The following TTC28 variants were observed in gnomAD, a reference collection of about 807,000 sequenced individuals.
The protein encoded by TTC28 is tetratricopeptide repeat protein 28.
In TTC28, 61 loss-of-function variants were observed where a neutral mutation model predicts 198.0. The ratio of observed to expected loss-of-function variants is 0.31; its 90% confidence interval spans 0.25 to 0.38. The LOEUF is 0.38. TTC28 is among the 10% of genes least tolerant of loss of function. The pLI, the probability that TTC28 is intolerant of heterozygous loss-of-function variation, is 1.00. For synonymous variants in TTC28, 1,171 were observed against 1,297.8 expected (o/e 0.90, Z 2.10); for missense variants, 2,678 against 3,164.0 (o/e 0.85, Z 3.69).
chr22:28,109,366 C>T lies in TTC28; in HGVS notation c.1442-963G>A, dbSNP rs369872042. Among the ~76,000 whole-genome samples, 43 of 152,302 alleles carry T rather than the reference C, an allele frequency of 2.8e-4. No individual in the cohort carries two copies. The South Asian group carries it at 7.9e-3, about 28-fold the overall frequency. Reference sequence around the variant, plus strand: ...ATCAGGAAAAAATGCTGCATGCTCCCGTGACAATAACTAGGAAAGTAAGTA... The same window carrying T: ...ATCAGGAAAAAATGCTGCATGCTCCTGTGACAATAACTAGGAAAGTAAGTA... On this transcript the variant is annotated intron_variant, in intron 6 of 22. Coordinates refer to ENST00000397906, the MANE Select transcript of TTC28 (RefSeq NM_001145418.2).
intron 17 of TTC28, chr22:27,994,665 G>A (rs1427359356): frequency 6.6e-6 from 1 of 152,206 alleles, no homozygotes; most frequent in Non-Finnish European, 1.5e-5. Context: ...TAGGGGCTGG[G>A]GAACTTGACC....
At chr22:28,218,621 A>G (rs903421949) in intron 5 of TTC28, among the ~76,000 whole-genome samples, 1 of 152,192 alleles carries the variant, frequency 6.6e-6, no homozygotes, top group African/African-American at 2.4e-5. Context: ...ACTCAAGTGC[A>G]CAAGCGCCTT....
chr22:28,385,529 C>T (rs2046566331), intron 2 of TTC28, among the ~76,000 whole-genome samples: 1 of 151,852 alleles, frequency 6.6e-6, no homozygotes, highest in South Asian at 2.1e-4. Flanking sequence ...ACTCTCTCCA[C>T]ACTTATAATA....
intron 2 of TTC28, among the ~76,000 whole-genome samples, chr22:28,406,806 T>A (rs1484284132): frequency 3.3e-5 from 5 of 152,234 alleles, no homozygotes; most frequent in Non-Finnish European, 7.3e-5. Context: ...AGGACTCATA[T>A]GGAGTTCCTC....
chr22:28,310,654 TATATGTA>T (rs1304714593), intron 2 of TTC28, among the ~76,000 whole-genome samples: 2 of 152,188 alleles, frequency 1.3e-5, no homozygotes, highest in Non-Finnish European at 2.9e-5. Context: ...ATGTAATAAA[TATATGTA>T]ATATGTAATG....
intron 1 of TTC28, among the ~76,000 whole-genome samples, chr22:28,653,267 GC>G (rs2051592054): frequency 6.6e-6 from 1 of 152,182 alleles, no homozygotes; most frequent in Non-Finnish European, 1.5e-5. Flanking sequence ...ACTTTGGGAG[GC>G]CAAGGCAGGT....
At chr22:28,428,437 C>T (rs2047381997) in intron 2 of TTC28, among the ~76,000 whole-genome samples, 1 of 151,996 alleles carries the variant, frequency 6.6e-6, no homozygotes, top group Admixed American at 6.6e-5. Context: ...CTCCTTTCTC[C>T]TGCTTTTCAA....
At chr22:28,034,927 A>G (rs1297643319) in intron 12 of TTC28, among the ~76,000 whole-genome samples, 1 of 152,202 alleles carries the variant, frequency 6.6e-6, no homozygotes, top group Non-Finnish European at 1.5e-5. Flanking sequence ...TGCTGTTCAT[A>G]TGCAGCTTTC....
chr22:28,520,428 A>C (rs2146424758), intron 2 of TTC28, among the ~76,000 whole-genome samples: 1 of 152,304 alleles, frequency 6.6e-6, no homozygotes, highest in South Asian at 2.1e-4. Flanking sequence ...CCTCTGACCA[A>C]CACTCAACTC....
chr22:28,407,973 T>C (rs1382034444), intron 2 of TTC28, among the ~76,000 whole-genome samples: 2 of 152,200 alleles, frequency 1.3e-5, no homozygotes, highest in African/African-American at 4.8e-5. Flanking sequence ...CTGGAAAAAA[T>C]TGTTTATAAC....
At chr22:28,645,204 A>T (rs1444965195) in intron 1 of TTC28, among the ~76,000 whole-genome samples, 1 of 152,222 alleles carries the variant, frequency 6.6e-6, no homozygotes, top group African/African-American at 2.4e-5. Flanking sequence ...CTCAAAAAAA[A>T]ATTGTAATAA....
chr22:28,442,083 C>T (rs920137925), intron 2 of TTC28, among the ~76,000 whole-genome samples: 3 of 152,044 alleles, frequency 2.0e-5, no homozygotes, highest in African/African-American at 7.2e-5. Context: ...ATTTCTGGGA[C>T]CAATAGCAAT....
chr22:28,290,074 GCAGA>G (rs902958106), intron 5 of TTC28, among the ~76,000 whole-genome samples: 10 of 151,968 alleles, frequency 6.6e-5, no homozygotes, highest in South Asian at 6.2e-4. Context: ...TTAAAGGTAG[GCAGA>G]CAAACTACTT....
intron 2 of TTC28, among the ~76,000 whole-genome samples, chr22:28,408,798 C>T (rs2047037740): frequency 6.6e-6 from 1 of 152,218 alleles, no homozygotes; most frequent in African/African-American, 2.4e-5. Context: ...TTAAAATGAG[C>T]TCTTCGAATG....
chr22:28,340,465 A>T (rs2045811781), intron 2 of TTC28, among the ~76,000 whole-genome samples: 1 of 146,142 alleles, frequency 6.8e-6, no homozygotes, highest in Non-Finnish European at 1.5e-5. Flanking sequence ...TTTTTCCTTA[A>T]AAAAAAAAAA....
intron 5 of TTC28, among the ~76,000 whole-genome samples, chr22:28,267,576 CAAAA>C (rs983390428): frequency 4.6e-5 from 7 of 152,066 alleles, no homozygotes; most frequent in African/African-American, 1.7e-4. Context: ...TAAAATGTAA[CAAAA>C]AGTAAATATG....
chr22:28,487,132 C>G (rs2048323120), intron 2 of TTC28, among the ~76,000 whole-genome samples: 1 of 151,978 alleles, frequency 6.6e-6, no homozygotes, highest in African/African-American at 2.4e-5. Context: ...TGGACATAAG[C>G]ACTTTTTCCC....
chr22:28,662,343 A>C (rs937411366), intron 1 of TTC28, among the ~76,000 whole-genome samples: 3 of 152,188 alleles, frequency 2.0e-5, no homozygotes, highest in Admixed American at 6.5e-5. Context: ...TACAAATCAA[A>C]GACAGTCTAA....
chr22:28,001,291 A>C, intron 15 of TTC28, 83 bp downstream of exon 15: 16 of 1,467,438 alleles, frequency 1.1e-5, no homozygotes, highest in Non-Finnish European at 1.4e-5. Context: ...TGCCTTCGTA[A>C]CACAGCCCAG....
Sources: allele counts gnomAD v4.1 joint callset (sites outside exome capture counted in the v4.1 genomes callset), GRCh38; gene constraint gnomAD v4.1.1; transcripts MANE v1.5; gene names NCBI Gene and HGNC (gene_info 2026-07-23, HGNC 2026-07-21).